MYH14: variants seen among roughly 807,000 people sequenced by gnomAD.
The protein encoded by MYH14 is myosin heavy chain 14.
In MYH14, 123 loss-of-function variants were observed where a neutral mutation model predicts 255.5. That is an observed-to-expected ratio of 0.48 (90% CI 0.42 to 0.56). The LOEUF (loss-of-function observed/expected upper bound fraction) is 0.56, where lower values mean the gene tolerates loss of function less well. Ranked by LOEUF, MYH14 falls within the 20% of genes least tolerant of loss-of-function variation. The pLI is 0.00. For synonymous variants in MYH14, 1,095 were observed against 1,161.2 expected, an observed-to-expected ratio of 0.94 and a Z score of 1.16; for missense variants, 2,423 against 2,802.3, an observed-to-expected ratio of 0.86 and a Z score of 3.06.
In MYH14 at chr19:50,276,827, G is replaced by A. The variant is rs1172189478; in HGVS notation, c.3751G>A (p.Ala1251Thr). The A allele has an allele frequency of 6.2e-7, 1 of 1,612,988 alleles. No individual in the cohort carries two copies. Among genetic ancestry groups the A allele is most frequent in the East Asian group, 2.2e-5 (1 of 44,866 alleles). ...GGAGGAGACTCGCATCCACGAGGCG[G>A]CAGTGCAGGAGCTGAGGCAGCGCCA... ...LEEETRIHEA[A>T]VQELRQRHGQ... Residue 1251 changes from alanine to threonine, a missense_variant, in exon 29 of 43, where the codon GCA (alanine) becomes ACA (threonine). Ala to Thr is a moderately conservative substitution (Grantham distance 58, BLOSUM62 0). Around this residue, in one of 3 missense-constraint regions of MYH14, gnomAD observed 1,513 missense variants for 1,674.8 expected, o/e 0.90. Transcript: ENST00000642316. The surrounding 1 kb of genome is among the most constrained non-coding windows in gnomAD (Gnocchi z 4.3).
At chr19:50,209,268 T>C (rs2032011863) in intron 1 of MYH14, among the ~76,000 whole-genome samples, 1 of 152,226 alleles carries the variant, frequency 6.6e-6, no homozygotes, top group African/African-American at 2.4e-5. Flanking sequence ...TGGTGGCTTC[T>C]GCAGTGGACA....
At chr19:50,281,459 C>G in intron 32 of MYH14, 135 bp from the exon 33 acceptor site, 3 of 1,301,472 alleles carry the variant, frequency 2.3e-6, no homozygotes, top group Non-Finnish European at 3.1e-6. Context: ...CACTCAGAGG[C>G]AGAAGAGCCC....
intron 2 of MYH14, among the ~76,000 whole-genome samples, chr19:50,213,378 A>G (rs1408747513): frequency 6.6e-6 from 1 of 152,186 alleles, no homozygotes; most frequent in Non-Finnish European, 1.5e-5. Flanking sequence ...TAAGCCCCAC[A>G]ACTAGGAACC....
chr19:50,273,139 A>G (rs982918850), intron 27 of MYH14, among the ~76,000 whole-genome samples: 1 of 151,816 alleles, frequency 6.6e-6, no homozygotes, highest in African/African-American at 2.4e-5. Flanking sequence ...AAAAATACAA[A>G]AGTTAGCTGG....
intron 9 of MYH14, chr19:50,231,131 G>C (rs566690031): frequency 5.9e-6 from 1 of 168,100 alleles, no homozygotes; most frequent in East Asian, 1.7e-4. Context: ...AGCGCCCTTG[G>C]CTCCTGTTTG....
intron 1 of MYH14, among the ~76,000 whole-genome samples, chr19:50,208,454 A>G (rs1568459649): frequency 6.6e-6 from 1 of 151,258 alleles, no homozygotes; most frequent in East Asian, 1.9e-4. Flanking sequence ...AAACAAACAA[A>G]CAAAAAAACC....
At chr19:50,220,464 A>G (rs1382040323) in intron 3 of MYH14, among the ~76,000 whole-genome samples, 2 of 150,482 alleles carry the variant, frequency 1.3e-5, no homozygotes, top group Admixed American at 1.3e-4. Flanking sequence ...ACCTATTAAT[A>G]TGCATATTCA....
At chr19:50,236,264 T>C (rs1345388795) in intron 10 of MYH14, among the ~76,000 whole-genome samples, 2 of 148,918 alleles carry the variant, frequency 1.3e-5, no homozygotes, top group East Asian at 2.0e-4. Context: ...GCCCGGGAGG[T>C]GGAGGCTGCA....
intron 34 of MYH14, 117 bp from the exon 35 acceptor site, chr19:50,289,319 T>C: frequency 3.7e-6 from 3 of 804,526 alleles, no homozygotes; most frequent in Non-Finnish European, 6.1e-6. Context: ...CAAACTAGGA[T>C]GGGCACACTG....
In MYH14 at chr19:50,252,822, G is replaced by A. The variant is rs927461871; in HGVS notation, c.1945+69G>A. On this transcript the variant is annotated intron_variant, in intron 16 of 42. Transcript: ENST00000642316. The surrounding 1 kb of genome is among the most constrained non-coding windows in gnomAD (Gnocchi z 4.2). ...GCCATTCTCCAAATCCACAGCGTGAGCACCTTTGTTTCAGAGGCGGAGGTC... is the reference window on the plus strand; with the variant it reads ...GCCATTCTCCAAATCCACAGCGTGAACACCTTTGTTTCAGAGGCGGAGGTC... 3 of 1,154,870 alleles carry A rather than the reference G, an allele frequency of 2.6e-6. No individual in the cohort carries two copies. Among genetic ancestry groups the A allele is most frequent in the African/African-American group, 3.1e-5 (2 of 65,064 alleles). The allele number at this position is 1,154,870 out of a possible 1,614,324, so 71.5% of individuals were successfully genotyped here.
chr19:50,276,629 C>A lies in MYH14; in HGVS notation c.3681-128C>A. On this transcript the variant is annotated intron_variant, in intron 28 of 42. Transcript: ENST00000642316. The surrounding 1 kb of genome is among the most constrained non-coding windows in gnomAD (Gnocchi z 4.3). ...TTCCACAGCATCACCACCCAGATCT[C>A]CTGAGGAGCATAACATGAGGCCCTC... 8.2e-7 allele frequency: 1 copy of A among 1,213,118 alleles called. No homozygotes were observed. Among genetic ancestry groups the A allele is most frequent in the Non-Finnish European group, 1.2e-6 (1 of 841,628 alleles). 75.1% of individuals were successfully genotyped at this position (1,213,118 alleles called of 1,614,324 possible).
At chr19:50,208,473 C>T (rs2031966518) in intron 1 of MYH14, among the ~76,000 whole-genome samples, 1 of 151,348 alleles carries the variant, frequency 6.6e-6, no homozygotes, top group Non-Finnish European at 1.5e-5. Context: ...CCCAACAAAC[C>T]CACCAAACAT....
chr19:50,210,113 A>G (rs1315335094), intron 1 of MYH14, among the ~76,000 whole-genome samples: 14 of 141,886 alleles, frequency 9.9e-5, no homozygotes, highest in African/African-American at 4.2e-4. Flanking sequence ...AAAAAAAAAA[A>G]AAAAAAAAAA....
Position 50,278,240 on chromosome 19 carries a change from A to T in MYH14, c.3983A>T (p.Asp1328Val), listed in dbSNP as rs1304957268. 3.1e-6 allele frequency: 5 copies of T among 1,596,766 alleles called. No homozygotes were observed. The highest frequency in any genetic ancestry group is 4.3e-6 in the Non-Finnish European group (5 of 1,172,806). ...CAGGAGGTGCAGGGCCGGGCTGGTG[A>T]TGGGGAGAGGGCACGAGCGGAGGCT... ...QLQEVQGRAGDGERARAEAAE... is the reference protein window; with the variant it reads ...QLQEVQGRAGVGERARAEAAE... Residue 1328 changes from aspartate to valine, a missense_variant, in exon 30 of 43, where the codon GAT becomes GTT. Transcript: ENST00000642316.
rs1395636478 is a variant in MYH14, at chr19:50,276,308, A to G, written c.3680+105A>G. ...CTATACAGAGGCTTACTTATTGTAC[A>G]GTTGTTCATGAACCACCGGCTCTAG... On this transcript the variant is annotated intron_variant, in intron 28 of 42. Coordinates refer to ENST00000642316, the MANE Select transcript of MYH14 (RefSeq NM_001145809.2). This position sits in a 1 kb window ranked among gnomAD's most constrained non-coding sequence, Gnocchi z 4.3. The G allele has an allele frequency of 1.0e-6, 1 of 958,472 alleles. No homozygotes were observed. The highest frequency in any genetic ancestry group is 1.5e-6 in the Non-Finnish European group (1 of 665,732). The allele number at this position is 958,472 out of a possible 1,614,324, so 59.4% of individuals were successfully genotyped here. A position where few individuals can be genotyped will look rare whatever the true frequency, so the allele number is the denominator to read the frequency against.
intron 26 of MYH14, 142 bp downstream of exon 26, chr19:50,272,114 C>A: frequency 8.7e-7 from 1 of 1,147,418 alleles, no homozygotes; most frequent in Non-Finnish European, 1.2e-6. Flanking sequence ...AGTGTCCTCC[C>A]AGCTCTTGAG....
chr19:50,307,261 T>C (rs907984375), intron 41 of MYH14, 104 bp downstream of exon 41: 12 of 696,198 alleles, frequency 1.7e-5, no homozygotes, highest in Non-Finnish European at 2.8e-5. Context: ...CAAGAAGCAA[T>C]GTGCAGGTGC....
chr19:50,243,297 G>C (rs565973111), intron 10 of MYH14, among the ~76,000 whole-genome samples: 8 of 152,078 alleles, frequency 5.3e-5, no homozygotes, highest in Non-Finnish European at 1.0e-4. Flanking sequence ...TTAGCCGGGT[G>C]TGGTGGTGTG....
chr19:50,290,200 C>T, intron 35 of MYH14, among the ~76,000 whole-genome samples: 1 of 151,798 alleles, frequency 6.6e-6, no homozygotes, highest in African/African-American at 2.4e-5. Context: ...AGCCCCTCAG[C>T]ACCCCCTGCT....
Sources: allele counts gnomAD v4.1 joint callset (sites outside exome capture counted in the v4.1 genomes callset), GRCh38; gene constraint gnomAD v4.1.1; regional missense constraint gnomAD v4.1.1; non-coding constraint Gnocchi (gnomAD v3.1); transcripts MANE v1.5; gene names NCBI Gene and HGNC (gene_info 2026-07-23, HGNC 2026-07-21).